PLBD1: variants seen among roughly 807,000 people sequenced by gnomAD.
PLBD1 encodes the protein phospholipase B domain containing 1.
Under a neutral mutation model 63.0 loss-of-function variants are expected in PLBD1, and 60 were observed. The ratio of observed to expected loss-of-function variants is 0.95; its 90% CI spans 0.77 to 1.18. The LOEUF (loss-of-function observed/expected upper bound fraction) is 1.18. Ranked by LOEUF, PLBD1 falls within the 50% of genes most tolerant of loss-of-function variation. The pLI is 0.00. For missense variants in PLBD1, 598 were observed against 677.9 expected (o/e 0.88, Z 1.31); for synonymous variants, 262 against 248.0 (o/e 1.06, Z -0.53).
intron 6 of PLBD1, among the ~76,000 whole-genome samples, chr12:14,525,897 G>T (rs952569775): frequency 7.2e-5 from 11 of 152,086 alleles, no homozygotes; most frequent in African/African-American, 2.4e-4. Context: ...TTTTTTAGCA[G>T]ACATAATTGC....
Position 14,504,057 on chromosome 12 carries a change from CT to C in PLBD1, c.1480-104del, listed in dbSNP as rs372587803. The C allele has an allele frequency of 6.5e-4, 745 of 1,145,648 alleles. 1 individual carries two copies. Among genetic ancestry groups the C allele is most frequent in the African/African-American group, 2.5e-3 (158 of 63,402 alleles). The allele number at this position is 1,145,648 out of a possible 1,614,324, so 71.0% of individuals were successfully genotyped here. ...CCCACTACCAAAGTCACAATATTAG[CT>C]TTTTTTTTGAGTCGGAGTTTCGCTC... On this transcript the variant is annotated intron_variant, in intron 10 of 10. Coordinates refer to ENST00000240617, the MANE Select transcript of PLBD1 (RefSeq NM_024829.6).
At chr12:14,547,527 T>C (rs1945624802) in intron 2 of PLBD1, among the ~76,000 whole-genome samples, 1 of 152,154 alleles carries the variant, frequency 6.6e-6, no homozygotes, top group African/African-American at 2.4e-5. Context: ...TTTCCATGCT[T>C]CTGAATTCTC....
chr12:14,543,560 T>C (rs908039952), intron 2 of PLBD1, among the ~76,000 whole-genome samples: 5 of 151,946 alleles, frequency 3.3e-5, no homozygotes, highest in African/African-American at 7.3e-5. Flanking sequence ...CTACTAAAAA[T>C]ACACACACAA....
intron 6 of PLBD1, among the ~76,000 whole-genome samples, chr12:14,533,688 T>C (rs1463999297): frequency 6.6e-6 from 1 of 152,232 alleles, no homozygotes; most frequent in Non-Finnish European, 1.5e-5. Context: ...TGTAATAGAA[T>C]GTGAAAGAAT....
At chr12:14,529,783 CAA>C (rs1565574811) in intron 6 of PLBD1, among the ~76,000 whole-genome samples, 1 of 151,768 alleles carries the variant, frequency 6.6e-6, no homozygotes, top group African/African-American at 2.4e-5. Flanking sequence ...CACAATCATA[CAA>C]AAAAACAATC....
At chr12:14,549,895 C>T (rs7971427) in intron 2 of PLBD1, among the ~76,000 whole-genome samples, 5 of 152,042 alleles carry the variant, frequency 3.3e-5, no homozygotes, top group East Asian at 3.9e-4. Context: ...CTCGAACTCC[C>T]GACCTCAGGT....
At chr12:14,559,022 A>G (rs148212477) in intron 1 of PLBD1, among the ~76,000 whole-genome samples, 40 of 151,700 alleles carry the variant, frequency 2.6e-4, no homozygotes, top group African/African-American at 9.7e-4. Flanking sequence ...CTAAGTTTCA[A>G]CTCTTCCTGG....
At chr12:14,549,934 T>C (rs1221178200) in intron 2 of PLBD1, among the ~76,000 whole-genome samples, 1 of 152,134 alleles carries the variant, frequency 6.6e-6, no homozygotes. Flanking sequence ...TCCCAAAGTG[T>C]TGGGTTTACA....
chr12:14,518,078 G>C (rs1247635158), intron 6 of PLBD1, among the ~76,000 whole-genome samples: 1 of 152,140 alleles, frequency 6.6e-6, no homozygotes, highest in Non-Finnish European at 1.5e-5. Flanking sequence ...CTACTTGGAA[G>C]GCTGAGGCAC....
intron 4 of PLBD1, among the ~76,000 whole-genome samples, chr12:14,540,106 TTATTTA>T (rs1441671024): frequency 1.6e-5 from 1 of 64,032 alleles, no homozygotes; most frequent in African/African-American, 5.9e-5. Flanking sequence ...AATATAAATA[TTATTTA>T]TATATATATA....
At chr12:14,513,401 T>C (rs1027776492) in intron 6 of PLBD1, among the ~76,000 whole-genome samples, 2 of 152,210 alleles carry the variant, frequency 1.3e-5, no homozygotes, top group Admixed American at 6.5e-5. Flanking sequence ...AGAAATACAT[T>C]AAAACAAATA....
intron 6 of PLBD1, among the ~76,000 whole-genome samples, chr12:14,516,619 T>C (rs1338359825): frequency 6.6e-6 from 1 of 152,126 alleles, no homozygotes; most frequent in African/African-American, 2.4e-5. Context: ...CTGTATATAA[T>C]GAGAAGTAGG....
intron 6 of PLBD1, among the ~76,000 whole-genome samples, chr12:14,514,593 G>A (rs896159754): frequency 3.3e-5 from 5 of 152,164 alleles, no homozygotes; most frequent in Non-Finnish European, 5.9e-5. Context: ...GAGTGAACTG[G>A]CCTGCAAAAA....
intron 2 of PLBD1, among the ~76,000 whole-genome samples, chr12:14,549,601 C>T (rs185198387): frequency 7.9e-5 from 12 of 152,246 alleles, no homozygotes; most frequent in Admixed American, 2.6e-4. Flanking sequence ...CCACACATGG[C>T]CCCCATTTGC....
chr12:14,565,235 G>T (rs1443365118), intron 1 of PLBD1, among the ~76,000 whole-genome samples: 3 of 152,062 alleles, frequency 2.0e-5, no homozygotes, highest in Non-Finnish European at 4.4e-5. Flanking sequence ...GGAGGCTGAG[G>T]CGGGCAGATC....
intron 6 of PLBD1, among the ~76,000 whole-genome samples, chr12:14,513,386 C>G (rs994805632): frequency 6.6e-6 from 1 of 151,990 alleles, no homozygotes; most frequent in African/African-American, 2.4e-5. Context: ...TTTGTTTTTT[C>G]CCAAAGAAAT....
At chr12:14,514,365 A>G (rs1258424713) in intron 6 of PLBD1, among the ~76,000 whole-genome samples, 1 of 152,224 alleles carries the variant, frequency 6.6e-6, no homozygotes, top group East Asian at 1.9e-4. Flanking sequence ...CCTGTAGGGT[A>G]GAATGCTGTA....
intron 6 of PLBD1, among the ~76,000 whole-genome samples, chr12:14,517,212 T>C (rs997754416): frequency 1.3e-5 from 2 of 152,158 alleles, no homozygotes; most frequent in Non-Finnish European, 2.9e-5. Flanking sequence ...CGTGGCGTGA[T>C]CAAGGCTCAA....
intron 6 of PLBD1, among the ~76,000 whole-genome samples, chr12:14,514,345 G>A (rs1173936478): frequency 6.6e-6 from 1 of 152,174 alleles, no homozygotes; most frequent in Non-Finnish European, 1.5e-5. Context: ...AAGCTCCCTG[G>A]TAGATAATCC....
Sources: allele counts gnomAD v4.1 joint callset (sites outside exome capture counted in the v4.1 genomes callset), GRCh38; gene constraint gnomAD v4.1.1; transcripts MANE v1.5; gene names NCBI Gene and HGNC (gene_info 2026-07-23, HGNC 2026-07-21).